MIPOL1: variants seen among roughly 807,000 people sequenced by gnomAD.
MIPOL1 encodes mirror-image polydactyly gene 1 protein.
MIPOL1 carries 57 observed loss-of-function variants against 60.9 expected under a neutral mutation model. The observed-to-expected ratio is 0.94, with a 90% confidence interval of 0.76 to 1.17. The LOEUF (loss-of-function observed/expected upper bound fraction) is 1.17, where lower values mean the gene tolerates loss of function less well. Among genes scored for constraint, MIPOL1 ranks in the 50% most tolerant of loss-of-function variants. The pLI, the probability that MIPOL1 is intolerant of heterozygous loss-of-function variation, is 0.00. For missense variants in MIPOL1, 551 were observed against 511.6 expected, an observed-to-expected ratio of 1.08 and a Z score of -0.74; for synonymous variants, 179 against 168.8, an observed-to-expected ratio of 1.06 and a Z score of -0.47.
intron 11 of MIPOL1, among the ~76,000 whole-genome samples, chr14:37,497,207 G>T (rs555053145): frequency 6.6e-6 from 1 of 152,208 alleles, no homozygotes; most frequent in Admixed American, 6.5e-5. Context: ...GAAAACCTAG[G>T]CATCACCATT....
At chr14:37,523,955 C>G (rs1223660084) in intron 12 of MIPOL1, among the ~76,000 whole-genome samples, 1 of 152,078 alleles carries the variant, frequency 6.6e-6, no homozygotes, top group Non-Finnish European at 1.5e-5. Flanking sequence ...GAAGCCAAAG[C>G]AAATAACTTG....
chr14:37,282,238 ATAT>A lies in MIPOL1; in HGVS notation c.494-3048_494-3046del, dbSNP rs71124802. Among the ~76,000 whole-genome samples the A allele has an allele frequency of 1.9e-3, 285 of 146,436 alleles. 3 individuals are homozygous for A. The highest frequency in any genetic ancestry group is 6.1e-3 in the African/African-American group (242 of 39,966). On this transcript the variant is annotated intron_variant, in intron 6 of 12. Coordinates refer to ENST00000684589, the MANE Select transcript of MIPOL1 (RefSeq NM_001388067.1). ...GCCCTCTTTGTCTAATATTGCAGTA[ATAT>A]TATTATTATTATTATTATTATTATT...
intron 10 of MIPOL1, among the ~76,000 whole-genome samples, chr14:37,409,456 T>A (rs928144336): frequency 3.9e-5 from 6 of 152,056 alleles, no homozygotes; most frequent in African/African-American, 1.4e-4. Flanking sequence ...ACTAAAACAC[T>A]CTGTGAGACA....
chr14:37,390,419 G>C (rs548053925), intron 10 of MIPOL1, among the ~76,000 whole-genome samples: 10 of 151,946 alleles, frequency 6.6e-5, no homozygotes, highest in South Asian at 2.1e-4. Context: ...AGATACACAA[G>C]AAGATAAGAC....
chr14:37,364,681 G>T (rs1010418376), intron 9 of MIPOL1, among the ~76,000 whole-genome samples: 1 of 152,072 alleles, frequency 6.6e-6, no homozygotes, highest in Non-Finnish European at 1.5e-5. Flanking sequence ...TGTTCTTTTT[G>T]CTTAGGGTAA....
At chr14:37,489,679 T>G (rs111286001) in intron 11 of MIPOL1, among the ~76,000 whole-genome samples, 3,208 of 152,308 alleles carry the variant, frequency 0.021, 101 homozygotes, top group African/African-American at 0.072. Flanking sequence ...CTTTCTGTTT[T>G]TTGGTTTTCC....
chr14:37,322,824 G>A (rs879491551), intron 9 of MIPOL1, among the ~76,000 whole-genome samples: 23 of 151,928 alleles, frequency 1.5e-4, no homozygotes, highest in Admixed American at 1.4e-3. Context: ...TGATGGGGTT[G>A]TTTGTTTTTT....
At chr14:37,271,322 T>C (rs147853371) in intron 6 of MIPOL1, among the ~76,000 whole-genome samples, 245 of 152,156 alleles carry the variant, frequency 1.6e-3, no homozygotes, top group African/African-American at 5.5e-3. Context: ...ATTTTTAACA[T>C]TTTTATATCA....
chr14:37,215,701 G>C (rs1160455575), intron 1 of MIPOL1, among the ~76,000 whole-genome samples: 2 of 152,062 alleles, frequency 1.3e-5, no homozygotes, highest in African/African-American at 2.4e-5. Flanking sequence ...TGGCTGAATT[G>C]ATGAAAAAAC....
intron 3 of MIPOL1, among the ~76,000 whole-genome samples, chr14:37,264,610 G>A (rs1458012311): frequency 2.6e-5 from 4 of 151,834 alleles, no homozygotes; most frequent in African/African-American, 9.7e-5. Flanking sequence ...CGTGGGTGAC[G>A]GAGCGAAACC....
chr14:37,232,579 A>T (rs1440086463), intron 1 of MIPOL1, among the ~76,000 whole-genome samples: 1 of 152,176 alleles, frequency 6.6e-6, no homozygotes, highest in East Asian at 1.9e-4. Context: ...CTCTTCTGTC[A>T]ACACATACTT....
At chr14:37,321,949 T>C (rs1283271428) in intron 9 of MIPOL1, among the ~76,000 whole-genome samples, 1 of 152,006 alleles carries the variant, frequency 6.6e-6, no homozygotes, top group African/African-American at 2.4e-5. Flanking sequence ...TTTAAACATA[T>C]GGAAAATTTG....
chr14:37,510,306 G>A (rs1006492146), intron 12 of MIPOL1, among the ~76,000 whole-genome samples: 1 of 152,072 alleles, frequency 6.6e-6, no homozygotes, highest in Non-Finnish European at 1.5e-5. Flanking sequence ...GAGTACAGTG[G>A]CACAATCATG....
chr14:37,445,820 G>A (rs2094324959), intron 11 of MIPOL1, among the ~76,000 whole-genome samples: 1 of 152,106 alleles, frequency 6.6e-6, no homozygotes, highest in South Asian at 2.1e-4. Flanking sequence ...CAAGCAATGG[G>A]GAAAGGATTC....
intron 9 of MIPOL1, among the ~76,000 whole-genome samples, chr14:37,338,824 A>G (rs946155241): frequency 1.3e-5 from 2 of 152,204 alleles, no homozygotes; most frequent in South Asian, 4.1e-4. Context: ...ACACCATGCT[A>G]AAAAATGAGT....
At chr14:37,322,722 G>T (rs1258753374) in intron 9 of MIPOL1, among the ~76,000 whole-genome samples, 1 of 152,044 alleles carries the variant, frequency 6.6e-6, no homozygotes, top group Non-Finnish European at 1.5e-5. Flanking sequence ...TTTCTCTAAT[G>T]ACCAGTGATG....
intron 1 of MIPOL1, among the ~76,000 whole-genome samples, chr14:37,198,462 G>A (rs1233758387): frequency 6.6e-6 from 1 of 152,054 alleles, no homozygotes; most frequent in African/African-American, 2.4e-5. Context: ...ACCTCTGATC[G>A]ACTCTGTGCC....
At chr14:37,485,001 AC>A (rs2094926040) in intron 11 of MIPOL1, among the ~76,000 whole-genome samples, 1 of 150,166 alleles carries the variant, frequency 6.7e-6, no homozygotes, top group African/African-American at 2.5e-5. Context: ...CTTCCCCTCC[AC>A]CCCCTGACAA....
chr14:37,327,166 A>G (rs2089240162), intron 9 of MIPOL1, among the ~76,000 whole-genome samples: 2 of 152,222 alleles, frequency 1.3e-5, no homozygotes, highest in Admixed American at 1.3e-4. Context: ...CCTAGGAGAT[A>G]GAAGGTTGGA....
Sources: gnomAD v4.1 joint callset for allele counts (sites outside exome capture counted in the v4.1 genomes callset) on GRCh38, gnomAD v4.1.1 for gene constraint, MANE v1.5 for transcripts, NCBI Gene and HGNC (gene_info 2026-07-23, HGNC 2026-07-21) for gene names.